COL14A1: variants seen among roughly 807,000 people sequenced by gnomAD.
COL14A1 encodes the protein collagen alpha-1(XIV) chain.
In COL14A1, 136 loss-of-function variants were observed where a neutral mutation model predicts 230.3. That is an observed-to-expected ratio of 0.59 (90% CI 0.51 to 0.68). COL14A1 has a LOEUF of 0.68. Ranked by LOEUF, COL14A1 falls within the 30% of genes least tolerant of loss-of-function variation. COL14A1 has a pLI of 0.00. For missense variants in COL14A1, 1,976 were observed against 2,215.8 expected, an observed-to-expected ratio of 0.89 and a Z score of 2.17; for synonymous variants, 792 against 784.1, an observed-to-expected ratio of 1.01 and a Z score of -0.17.
At chr8:120,131,845 T>C (rs1287675329) in intron 1 of COL14A1, among the ~76,000 whole-genome samples, 2 of 130,398 alleles carry the variant, frequency 1.5e-5, no homozygotes, top group East Asian at 4.4e-4. Context: ...TTTCTTTTTT[T>C]TTTTTTTTTT....
intron 42 of COL14A1, among the ~76,000 whole-genome samples, 171 bp downstream of exon 42, chr8:120,332,906 T>G (rs939223264): frequency 3.3e-5 from 5 of 152,242 alleles, no homozygotes; most frequent in Non-Finnish European, 5.9e-5. Flanking sequence ...AAGATCAGAT[T>G]ATGCATATGT....
At chr8:120,193,428 A>G (rs1232801196) in intron 5 of COL14A1, among the ~76,000 whole-genome samples, 1 of 152,132 alleles carries the variant, frequency 6.6e-6, no homozygotes, top group Non-Finnish European at 1.5e-5. Flanking sequence ...GAGGAGTAAC[A>G]GGCCATGTGA....
chr8:120,178,124 G>T (rs1816345167), intron 5 of COL14A1, among the ~76,000 whole-genome samples: 1 of 151,812 alleles, frequency 6.6e-6, no homozygotes, highest in Non-Finnish European at 1.5e-5. Flanking sequence ...TGGGATACAT[G>T]TGCAGAACGT....
intron 5 of COL14A1, among the ~76,000 whole-genome samples, chr8:120,189,378 A>G (rs1047276409): frequency 2.0e-5 from 3 of 152,140 alleles, no homozygotes; most frequent in East Asian, 3.8e-4. Flanking sequence ...TTCAAGAAAA[A>G]TCATACTTTG....
intron 6 of COL14A1, among the ~76,000 whole-genome samples, chr8:120,197,176 A>G (rs1817064846): frequency 6.6e-6 from 1 of 152,208 alleles, no homozygotes; most frequent in Admixed American, 6.6e-5. Flanking sequence ...CTGAAAAGTC[A>G]AGTTCTTCTC....
At chr8:120,304,599 G>A (rs1282499690) in intron 36 of COL14A1, among the ~76,000 whole-genome samples, 1 of 152,122 alleles carries the variant, frequency 6.6e-6, no homozygotes, top group Non-Finnish European at 1.5e-5. Flanking sequence ...TTTAACTTCA[G>A]TAATGCTTTT....
chr8:120,342,080 A>G (rs1401226884), intron 43 of COL14A1, among the ~76,000 whole-genome samples: 1 of 152,246 alleles, frequency 6.6e-6, no homozygotes, highest in African/African-American at 2.4e-5. Context: ...CTAAAGAGCT[A>G]TATATCACGT....
Position 120,130,178 on chromosome 8 carries a change from G to A in COL14A1, c.-38+4838G>A, listed in dbSNP as rs947556054. 3.3e-5 allele frequency among the ~76,000 whole-genome samples: 5 copies of A among 152,162 alleles called. 1 individual carries two copies. In the South Asian group the frequency reaches 6.2e-4, roughly 19 times the overall value. ...TCACCAAGCACACTGTTAGTTCAACGGAGATTATCATTATTTTTTCATAGC... is the reference window on the plus strand; with the variant it reads ...TCACCAAGCACACTGTTAGTTCAACAGAGATTATCATTATTTTTTCATAGC... On this transcript the variant is annotated intron_variant, in intron 1 of 47. Coordinates refer to ENST00000297848, the MANE Select transcript of COL14A1 (RefSeq NM_021110.4).
chr8:120,256,981 A>G (rs142525627), intron 23 of COL14A1, among the ~76,000 whole-genome samples: 105 of 152,364 alleles, frequency 6.9e-4, no homozygotes, highest in African/African-American at 2.5e-3. Context: ...AACTGGCTTT[A>G]TCAATGGAAT....
chr8:120,181,898 G>T (rs1239364207), intron 5 of COL14A1, among the ~76,000 whole-genome samples: 1 of 152,122 alleles, frequency 6.6e-6, no homozygotes, highest in Non-Finnish European at 1.5e-5. Flanking sequence ...GTTGCAGTAA[G>T]CCGAGATGGC....
intron 21 of COL14A1, 51 bp from the exon 22 acceptor site, chr8:120,250,566 C>A (rs748909120): frequency 6.3e-7 from 1 of 1,591,368 alleles, no homozygotes; most frequent in Non-Finnish European, 8.6e-7. Flanking sequence ...AAGAGTGCTT[C>A]TATTTTCCCA....
At chr8:120,267,473 G>A (rs1819532298) in intron 25 of COL14A1, among the ~76,000 whole-genome samples, 1 of 151,892 alleles carries the variant, frequency 6.6e-6, no homozygotes, top group Non-Finnish European at 1.5e-5. Context: ...AGAAATAGGT[G>A]CTTGCCTAGA....
rs1817458726 is a variant in COL14A1 at position 120,207,072 on chromosome 8, C to A, written c.1169C>A (p.Thr390Asn). 4 of 1,611,654 alleles carry A rather than the reference C, an allele frequency of 2.5e-6. No homozygotes were observed. Among genetic ancestry groups the A allele is most frequent in the Non-Finnish European group, 3.4e-6 (4 of 1,179,260 alleles). ...AAATACAGAGTTGTGTATTATCCTACCAGGGGTGGAAAACCAGACGAGGTA... is the reference window on the plus strand; with the variant it reads ...AAATACAGAGTTGTGTATTATCCTAACAGGGGTGGAAAACCAGACGAGGTA... Reference protein sequence around the residue: ...VEKYRVVYYPTRGGKPDEVVV... With the variant: ...VEKYRVVYYPNRGGKPDEVVV... Residue 390 changes from threonine (T) to asparagine (N), a missense_variant, in exon 10 of 48, where the codon ACC (threonine) becomes AAC (asparagine). Physicochemically the swap from Thr to Asn is moderately conservative, Grantham distance 65 (BLOSUM62 0). This residue lies in a region of COL14A1 where 1,791 missense variants were observed against 2,019.5 expected (regional missense o/e 0.89). Transcript: ENST00000297848.
intron 37 of COL14A1, among the ~76,000 whole-genome samples, 179 bp from the exon 38 acceptor site, chr8:120,313,753 A>C (rs1275490286): frequency 6.6e-6 from 1 of 152,232 alleles, no homozygotes. Flanking sequence ...TGGTTTACTG[A>C]TGACATTTTG....
intron 1 of COL14A1, among the ~76,000 whole-genome samples, chr8:120,139,242 C>T (rs1437446743): frequency 6.6e-6 from 1 of 152,142 alleles, no homozygotes; most frequent in African/African-American, 2.4e-5. Context: ...ATTTTTCTTT[C>T]GTATAAAATA....
At chr8:120,130,812 C>T (rs984128614) in intron 1 of COL14A1, among the ~76,000 whole-genome samples, 1 of 152,050 alleles carries the variant, frequency 6.6e-6, no homozygotes, top group Non-Finnish European at 1.5e-5. Flanking sequence ...ATGAATGATC[C>T]CATCACCCAG....
chr8:120,229,956 C>T (rs1209795501), intron 18 of COL14A1, among the ~76,000 whole-genome samples: 1 of 152,158 alleles, frequency 6.6e-6, no homozygotes, highest in Non-Finnish European at 1.5e-5. Context: ...TCAAGGCTCA[C>T]CACAGCCTTG....
intron 2 of COL14A1, among the ~76,000 whole-genome samples, chr8:120,156,190 T>C (rs1313971423): frequency 2.0e-5 from 3 of 149,680 alleles, no homozygotes; most frequent in East Asian, 2.0e-4. Flanking sequence ...TTTTTTGAGA[T>C]GGAGTCTCTC....
At chr8:120,204,828 G>A (rs1817377420) in intron 9 of COL14A1, among the ~76,000 whole-genome samples, 1 of 152,170 alleles carries the variant, frequency 6.6e-6, no homozygotes. Flanking sequence ...ACAGAGTGAG[G>A]GAGAATGGTG....
Sources: gnomAD v4.1 joint callset for allele counts (sites outside exome capture counted in the v4.1 genomes callset) on GRCh38, gnomAD v4.1.1 for gene constraint, gnomAD v4.1.1 regional missense constraint, MANE v1.5 for transcripts, NCBI Gene and HGNC (gene_info 2026-07-23, HGNC 2026-07-21) for gene names.